Variants in EIF2AK4 observed in about 807,000 individuals in gnomAD.
The protein encoded by EIF2AK4 is eukaryotic translation initiation factor 2 alpha kinase 4.
In EIF2AK4, 139 loss-of-function variants were observed where a neutral mutation model predicts 211.1. The ratio of observed to expected loss-of-function variants is 0.66; its 90% CI spans 0.57 to 0.76. The LOEUF is 0.76. Among genes scored for constraint, EIF2AK4 ranks in the 30% least tolerant of loss-of-function variants. The probability of loss-of-function intolerance (pLI) is 0.00; values close to 1 mark genes in which losing one functional copy is unlikely to be tolerated. For missense variants in EIF2AK4, 1,664 were observed against 2,043.8 expected (o/e 0.81, Z 3.58); for synonymous variants, 710 against 751.3 (o/e 0.94, Z 0.90).
At chr15:40,007,950 T>C in intron 24 of EIF2AK4, 77 bp from the exon 25 acceptor site, 1 of 1,168,764 alleles carries the variant, frequency 8.6e-7, no homozygotes, top group Non-Finnish European at 1.2e-6. Context: ...TTGTTTCTTA[T>C]ATCTTGTTCA....
intron 4 of EIF2AK4, chr15:39,951,534 C>T: frequency 2.8e-6 from 1 of 356,854 alleles, no homozygotes; most frequent in South Asian, 2.2e-5. Context: ...TCTGGAAGCA[C>T]AGATCTGTTT....
chr15:40,028,097 TAG>T (rs2035489324), intron 33 of EIF2AK4, among the ~76,000 whole-genome samples: 1 of 149,946 alleles, frequency 6.7e-6, no homozygotes, highest in South Asian at 2.1e-4. Flanking sequence ...TTTTTTGAGA[TAG>T]AGTCTCACTT....
chr15:39,977,481 CA>C (rs2034716699), intron 12 of EIF2AK4: 1 of 101,072 alleles, frequency 9.9e-6, no homozygotes, highest in Non-Finnish European at 2.3e-5. Context: ...GCGGCCCTAA[CA>C]GGCAGTGGAC....
At chr15:39,948,888 C>T (rs4270150) in intron 3 of EIF2AK4, among the ~76,000 whole-genome samples, 1 of 152,080 alleles carries the variant, frequency 6.6e-6, no homozygotes, top group Non-Finnish European at 1.5e-5. Context: ...TTTTATTTAC[C>T]TAGGTAATGA....
At chr15:39,979,397 C>T (rs1348210477) in intron 13 of EIF2AK4, among the ~76,000 whole-genome samples, 1 of 152,158 alleles carries the variant, frequency 6.6e-6, no homozygotes, top group Non-Finnish European at 1.5e-5. Context: ...ATAAAACATG[C>T]TCATCAGAAA....
At chr15:39,978,055 G>T in intron 12 of EIF2AK4, 23 bp from the exon 13 acceptor site, 4 of 1,552,344 alleles carry the variant, frequency 2.6e-6, no homozygotes, top group Non-Finnish European at 3.5e-6. Context: ...TGTTCCTTTA[G>T]TATTTCTGTT....
chr15:39,962,056 A>G (rs1417791634), intron 7 of EIF2AK4, among the ~76,000 whole-genome samples, 157 bp downstream of exon 7: 1 of 152,244 alleles, frequency 6.6e-6, no homozygotes, highest in Non-Finnish European at 1.5e-5. Context: ...AATGACTGGA[A>G]TGAGAAATCA....
chr15:39,990,188 C>T (rs577214942), intron 15 of EIF2AK4, 85 bp from the exon 16 acceptor site: 7 of 1,318,578 alleles, frequency 5.3e-6, no homozygotes, highest in African/African-American at 4.4e-5. Context: ...CGATTTTCAT[C>T]GCTAGGTTGG....
intron 25 of EIF2AK4, 59 bp downstream of exon 25, chr15:40,008,254 G>GTTTTCCCCACCACACT: frequency 6.8e-7 from 1 of 1,473,804 alleles, no homozygotes; most frequent in Non-Finnish European, 9.1e-7. Context: ...ACCAAGTGTG[G>GTTTTCCCCACCACACT]TGGGGAAAAC....
At chr15:39,977,208 A>G (rs1010662914) in intron 12 of EIF2AK4, 16 of 184,422 alleles carry the variant, frequency 8.7e-5, no homozygotes, top group African/African-American at 3.5e-4. Context: ...AGCGGTCCCC[A>G]GCGTTTTTAG....
chr15:39,968,006 C>A, intron 9 of EIF2AK4, 127 bp downstream of exon 9: 1 of 932,292 alleles, frequency 1.1e-6, no homozygotes, highest in Non-Finnish European at 1.6e-6. Context: ...TCTTTGCTCT[C>A]CCAATCCTGT....
chr15:40,002,118 A>G (rs1446949012), intron 21 of EIF2AK4, among the ~76,000 whole-genome samples: 1 of 152,234 alleles, frequency 6.6e-6, no homozygotes, highest in Non-Finnish European at 1.5e-5. Context: ...ATCAGTATAG[A>G]TTTTAGAGAC....
At chr15:39,990,013 C>T (rs2034920532) in intron 15 of EIF2AK4, among the ~76,000 whole-genome samples, 1 of 152,064 alleles carries the variant, frequency 6.6e-6, no homozygotes, top group Non-Finnish European at 1.5e-5. Flanking sequence ...CTTGGTGAAC[C>T]CAGTGGAAGG....
At chr15:39,973,418 C>T (rs150520754) in intron 10 of EIF2AK4, among the ~76,000 whole-genome samples, 174 bp from the exon 11 acceptor site, 1 of 152,146 alleles carries the variant, frequency 6.6e-6, no homozygotes. Flanking sequence ...TATATTTCTG[C>T]CTACTTTAAG....
chr15:39,960,291 A>G (rs188018248), intron 6 of EIF2AK4, among the ~76,000 whole-genome samples: 3 of 152,280 alleles, frequency 2.0e-5, no homozygotes, highest in Non-Finnish European at 4.4e-5. Flanking sequence ...GATTGGAAGC[A>G]GAAAGACCAG....
intron 4 of EIF2AK4, among the ~76,000 whole-genome samples, chr15:39,950,669 C>T (rs1287057767): frequency 3.3e-5 from 5 of 151,284 alleles, no homozygotes; most frequent in Non-Finnish European, 7.4e-5. Context: ...TGCTACAAAC[C>T]GTTTAGTTGC....
At chr15:39,968,022 T>C in intron 9 of EIF2AK4, 143 bp downstream of exon 9, 1 of 788,114 alleles carries the variant, frequency 1.3e-6, no homozygotes, top group Non-Finnish European at 2.0e-6. Context: ...CCTGTCCTAG[T>C]CTCATATGTT....
chr15:40,023,793 C>A (rs778267517), intron 32 of EIF2AK4, among the ~76,000 whole-genome samples: 4 of 152,124 alleles, frequency 2.6e-5, no homozygotes, highest in Non-Finnish European at 4.4e-5. Context: ...CACTCTTATC[C>A]ATTACTATTT....
intron 18 of EIF2AK4, among the ~76,000 whole-genome samples, chr15:39,994,506 G>A (rs912254378): frequency 6.6e-6 from 1 of 152,172 alleles, no homozygotes; most frequent in African/African-American, 2.4e-5. Context: ...CTCCTCAGGA[G>A]GCTGAGGTGG....
Sources: allele counts gnomAD v4.1 joint callset (sites outside exome capture counted in the v4.1 genomes callset), GRCh38; gene constraint gnomAD v4.1.1; transcripts MANE v1.5; gene names NCBI Gene and HGNC (gene_info 2026-07-23, HGNC 2026-07-21).